ADK: variants seen among roughly 807,000 people sequenced by gnomAD.
ADK encodes N6,N6-dimethyladenosine kinase.
ADK carries 24 observed loss-of-function variants against 44.7 expected under a neutral mutation model. That is an observed-to-expected ratio of 0.54 (90% confidence interval 0.39 to 0.76). The LOEUF is 0.76. ADK is among the 30% of genes least tolerant of loss of function. The pLI is 0.00. For synonymous variants in ADK, 128 were observed against 142.6 expected (o/e 0.90, Z 0.73); for missense variants, 321 against 425.1 (o/e 0.76, Z 2.15).
At chr10:74,388,563 T>C (rs1285630769) in intron 4 of ADK, among the ~76,000 whole-genome samples, 3 of 152,210 alleles carry the variant, frequency 2.0e-5, no homozygotes, top group Non-Finnish European at 2.9e-5. Flanking sequence ...GTTCTACATA[T>C]ATGTCTTGCA....
chr10:74,220,848 TA>T (rs1844277626), intron 2 of ADK, among the ~76,000 whole-genome samples: 2 of 152,140 alleles, frequency 1.3e-5, no homozygotes, highest in South Asian at 4.1e-4. Context: ...CTCAATAAAT[TA>T]GGTATTGATG....
chr10:74,190,981 C>CT (rs61491732), intron 1 of ADK, among the ~76,000 whole-genome samples: 69,924 of 134,926 alleles, frequency 0.52, 19,293 homozygotes, highest in Non-Finnish European at 0.62. Flanking sequence ...CTATTTTTGA[C>CT]TTTTTTTTTT....
chr10:74,549,619 T>C (rs529292176), intron 7 of ADK, among the ~76,000 whole-genome samples: 1 of 152,160 alleles, frequency 6.6e-6, no homozygotes, highest in East Asian at 1.9e-4. Context: ...ATATCTTGTG[T>C]AGAGATGGGG....
chr10:74,544,567 G>A (rs1388739629), intron 7 of ADK, among the ~76,000 whole-genome samples: 1 of 152,126 alleles, frequency 6.6e-6, no homozygotes, highest in Non-Finnish European at 1.5e-5. Flanking sequence ...GATAAAATTT[G>A]AAATAATAAG....
At chr10:74,379,609 C>G (rs959245577) in intron 4 of ADK, among the ~76,000 whole-genome samples, 4 of 152,130 alleles carry the variant, frequency 2.6e-5, no homozygotes, top group African/African-American at 9.7e-5. Context: ...TTTTAATATG[C>G]CAAAGTTTTT....
chr10:74,372,366 C>G (rs1340949356), intron 4 of ADK: 1 of 740,760 alleles, frequency 1.3e-6, no homozygotes, highest in Admixed American at 1.7e-5. Flanking sequence ...GTCCACAGCT[C>G]CCAATGCTCA....
intron 1 of ADK, among the ~76,000 whole-genome samples, chr10:74,192,375 A>T (rs1332439335): frequency 6.6e-6 from 1 of 151,800 alleles, no homozygotes; most frequent in Non-Finnish European, 1.5e-5. Context: ...TTACAGGCGC[A>T]CACTACCACA....
At chr10:74,317,477 G>A (rs1013201109) in intron 4 of ADK, among the ~76,000 whole-genome samples, 3 of 151,058 alleles carry the variant, frequency 2.0e-5, no homozygotes, top group Non-Finnish European at 4.4e-5. Flanking sequence ...TGTAATCCCA[G>A]CATTTTGAGA....
chr10:74,364,485 ACTTATCTCTGG>A (rs1313387794), intron 4 of ADK, among the ~76,000 whole-genome samples: 2 of 152,064 alleles, frequency 1.3e-5, no homozygotes, highest in Non-Finnish European at 2.9e-5. Context: ...TTCTTGTCTG[ACTTATCTCTGG>A]CATTTATCAG....
At chr10:74,240,273 C>G (rs569013152) in intron 3 of ADK, among the ~76,000 whole-genome samples, 1 of 152,186 alleles carries the variant, frequency 6.6e-6, no homozygotes, top group African/African-American at 2.4e-5. Context: ...TGTAATATAA[C>G]AGTAATAATG....
At chr10:74,416,363 T>G (rs965665581) in intron 6 of ADK, among the ~76,000 whole-genome samples, 1 of 152,050 alleles carries the variant, frequency 6.6e-6, no homozygotes, top group Admixed American at 6.6e-5. Flanking sequence ...TTTCTTCACC[T>G]TGGAAATAGC....
chr10:74,185,870 C>CAG (rs1297491743), intron 1 of ADK, among the ~76,000 whole-genome samples: 2 of 133,210 alleles, frequency 1.5e-5, no homozygotes, highest in Non-Finnish European at 3.2e-5. Context: ...AAAAAAGAAA[C>CAG]AGATCCTCCC....
intron 3 of ADK, among the ~76,000 whole-genome samples, chr10:74,300,033 C>G (rs1010931859): frequency 1.1e-4 from 16 of 150,740 alleles, no homozygotes; most frequent in African/African-American, 3.9e-4. Context: ...TGTTTCTTTT[C>G]TTTCTTCTTC....
At chr10:74,624,451 T>C (rs1479325461) in intron 9 of ADK, among the ~76,000 whole-genome samples, 1 of 152,148 alleles carries the variant, frequency 6.6e-6, no homozygotes, top group Non-Finnish European at 1.5e-5. Flanking sequence ...ATTCTTTTGT[T>C]AATAATTTGG....
chr10:74,516,016 A>T (rs895820906), intron 6 of ADK, among the ~76,000 whole-genome samples: 1 of 152,122 alleles, frequency 6.6e-6, no homozygotes, highest in Non-Finnish European at 1.5e-5. Context: ...ACAGGTGGCT[A>T]TTCTCAAGAT....
intron 9 of ADK, chr10:74,655,958 C>T: frequency 1.4e-6 from 1 of 699,150 alleles, no homozygotes; most frequent in Non-Finnish European, 2.7e-6. Context: ...TGCAACTCCT[C>T]CTGGGCAAGG....
chr10:74,239,252 G>A (rs1325428705), intron 3 of ADK, among the ~76,000 whole-genome samples: 3 of 151,778 alleles, frequency 2.0e-5, no homozygotes, highest in African/African-American at 7.3e-5. Flanking sequence ...ATCAACACAT[G>A]TTATGGAGTA....
chr10:74,443,953 C>A (rs1403937155), intron 6 of ADK, among the ~76,000 whole-genome samples: 1 of 151,828 alleles, frequency 6.6e-6, no homozygotes, highest in Non-Finnish European at 1.5e-5. Context: ...CCACTGTAAC[C>A]CCTATTGGAT....
chr10:74,245,598 T>TG (rs1168472982), intron 3 of ADK, among the ~76,000 whole-genome samples: 1 of 150,970 alleles, frequency 6.6e-6, no homozygotes, highest in Non-Finnish European at 1.5e-5. Context: ...GTTTTTGTTT[T>TG]TTTTTTTTTT....
Sources: gnomAD v4.1 joint callset for allele counts (sites outside exome capture counted in the v4.1 genomes callset) on GRCh38, gnomAD v4.1.1 for gene constraint, MANE v1.5 for transcripts, NCBI Gene and HGNC (gene_info 2026-07-23, HGNC 2026-07-21) for gene names.